The following LIPJ variants were observed in gnomAD, a reference collection of about 807,000 sequenced individuals.
The protein encoded by LIPJ is lipase family member J.
Under a neutral mutation model 39.8 loss-of-function variants are expected in LIPJ, and 33 were observed. The observed-to-expected ratio is 0.83, with a 90% CI of 0.63 to 1.11. The LOEUF is 1.11. Among genes scored for constraint, LIPJ ranks in the 50% least tolerant of loss-of-function variants. The pLI is 0.00. For missense variants in LIPJ, 422 were observed against 427.9 expected, an observed-to-expected ratio of 0.99 and a Z score of 0.12; for synonymous variants, 128 against 139.2, an observed-to-expected ratio of 0.92 and a Z score of 0.57.
chr10:88,591,533 T>C, intron 4 of LIPJ, 35 bp downstream of exon 4: 1 of 1,568,034 alleles, frequency 6.4e-7, no homozygotes, highest in Non-Finnish European at 8.6e-7. Context: ...GGTGACAATC[T>C]GGGGCCTGAA....
chr10:88,585,643 G>A (rs1590070652), upstream of LIPJ: 2 of 151,326 alleles, frequency 1.3e-5, no homozygotes, highest in Admixed American at 6.6e-5. Context: ...TTTTTTTTAA[G>A]CCAGTCAAAT....
intron 8 of LIPJ, among the ~76,000 whole-genome samples, chr10:88,601,746 A>G (rs1332444590): frequency 6.6e-6 from 1 of 152,180 alleles, no homozygotes. Flanking sequence ...GGCTTCTTAA[A>G]ATAATTTTTT....
chr10:88,589,139 C>T (rs1320778103), intron 2 of LIPJ, among the ~76,000 whole-genome samples: 1 of 151,854 alleles, frequency 6.6e-6, no homozygotes, highest in African/African-American at 2.4e-5. Flanking sequence ...TACATTCCTT[C>T]TAGATATAAT....
At chr10:88,583,526 G>T (rs191225385), upstream of LIPJ, 2 of 1,159,150 alleles carry the variant, frequency 1.7e-6, no homozygotes, top group South Asian at 2.3e-5. Context: ...CAACAGAGCT[G>T]ACGTTGACCA....
At chr10:88,620,984 T>C in the LIPJ span, among the ~76,000 whole-genome samples, 7 of 152,150 alleles carry the variant, frequency 4.6e-5, no homozygotes, top group Non-Finnish European at 8.8e-5. Flanking sequence ...ATTTTTCTCA[T>C]GTCTCTTCTT....
chr10:88,593,840 T>G, intron 4 of LIPJ, 106 bp from the exon 5 acceptor site: 1 of 944,146 alleles, frequency 1.1e-6, no homozygotes, highest in Non-Finnish European at 1.6e-6. Flanking sequence ...AAACAATTTT[T>G]TAAAATCTTT....
rs1851079321 is a variant in LIPJ, at chr10:88,591,509, A to G, written c.130+11A>G. ...ATAATAAAAATCTAGGTAATATTCA[A>G]TTGAAGATGGATTGGTGACAATCTG... On this transcript the variant is annotated intron_variant, in intron 4 of 10. Transcript: ENST00000371939. The G allele has an allele frequency of 5.7e-6, 9 of 1,591,012 alleles. No homozygotes were observed. The highest frequency in any genetic ancestry group is 1.4e-5 in the African/African-American group (1 of 73,516).
upstream of LIPJ, among the ~76,000 whole-genome samples, chr10:88,585,962 T>G (rs989696078): frequency 2.0e-5 from 3 of 152,228 alleles, no homozygotes; most frequent in Non-Finnish European, 4.4e-5. Context: ...TGTTCTGTGC[T>G]TTCGCTAAAC....
chr10:88,583,002 C>G, upstream of LIPJ: 2 of 1,529,872 alleles, frequency 1.3e-6, no homozygotes, highest in Non-Finnish European at 1.8e-6. Flanking sequence ...TTCTTGGGTG[C>G]AGGCCCACAC....
intron 8 of LIPJ, 29 bp from the exon 9 acceptor site, chr10:88,602,547 A>T: frequency 7.1e-7 from 1 of 1,407,230 alleles, no homozygotes; most frequent in Non-Finnish European, 9.7e-7. Context: ...TTATATAAAA[A>T]TGCTTTTTTT....
At chr10:88,610,726 C>T (rs1703156918), downstream of LIPJ, among the ~76,000 whole-genome samples, 1 of 152,158 alleles carries the variant, frequency 6.6e-6, no homozygotes, top group East Asian at 1.9e-4. Flanking sequence ...TGGAACTAGA[C>T]CACACCTATG....
the LIPJ span, chr10:88,618,596 GT>G: frequency 4.6e-5 from 7 of 152,524 alleles, no homozygotes; most frequent in African/African-American, 1.7e-4. Flanking sequence ...CAAAGTTTCT[GT>G]TGAAAATCTG....
upstream of LIPJ, among the ~76,000 whole-genome samples, chr10:88,586,249 T>C (rs2134532795): frequency 6.6e-6 from 1 of 152,330 alleles, no homozygotes; most frequent in South Asian, 2.1e-4. Context: ...CTCCATGGGT[T>C]ACATCTGATT....
the LIPJ span, among the ~76,000 whole-genome samples, chr10:88,615,673 A>G: frequency 6.6e-6 from 1 of 151,726 alleles, no homozygotes; most frequent in Non-Finnish European, 1.5e-5. Context: ...ACCCTAACAT[A>G]CATACTAGAA....
downstream of LIPJ, among the ~76,000 whole-genome samples, chr10:88,607,232 C>T (rs1851694941): frequency 6.6e-6 from 1 of 151,908 alleles, no homozygotes; most frequent in Non-Finnish European, 1.5e-5. Context: ...CATGGAATTA[C>T]ATATATTATA....
downstream of LIPJ, among the ~76,000 whole-genome samples, chr10:88,608,251 C>A (rs1851709135): frequency 6.6e-6 from 1 of 152,196 alleles, no homozygotes; most frequent in African/African-American, 2.4e-5. Flanking sequence ...TGAGACCTAA[C>A]AACGGGACTA....
rs1851078952 is a variant in LIPJ at position 88,591,502 on chromosome 10, ATAT to A, written c.130+6_130+8del. On this transcript the variant is annotated splice_donor_5th_base_variant and intron_variant, in intron 4 of 10. Transcript: ENST00000371939. Reference sequence around the variant, plus strand: ...ACAGACAATAATAAAAATCTAGGTAATATTCAATTGAAGATGGATTGGTGACAA... The same window carrying A: ...ACAGACAATAATAAAAATCTAGGTAATCAATTGAAGATGGATTGGTGACAA... The A allele has an allele frequency of 1.9e-6, 3 of 1,594,296 alleles. No individual in the cohort carries two copies. The African/African-American group carries it at 4.1e-5, about 22-fold the overall frequency.
intron 8 of LIPJ, among the ~76,000 whole-genome samples, chr10:88,601,983 T>A (rs115684687): frequency 6.6e-6 from 1 of 152,188 alleles, no homozygotes; most frequent in East Asian, 1.9e-4. Flanking sequence ...ATCTAGGCAA[T>A]GCAAACATAG....
chr10:88,596,411 G>C, exon 7 of LIPJ: 1 of 1,527,524 alleles, frequency 6.5e-7, no homozygotes. Flanking sequence ...GAAGTCAATA[G>C]TCATGGTATG....
Sources: gnomAD v4.1 joint callset for allele counts (sites outside exome capture counted in the v4.1 genomes callset) on GRCh38, gnomAD v4.1.1 for gene constraint, MANE v1.5 for transcripts, NCBI Gene and HGNC (gene_info 2026-07-23, HGNC 2026-07-21) for gene names.